The following TAFA2 variants were observed in gnomAD, a reference collection of about 807,000 sequenced individuals.
TAFA2 encodes TAFA chemokine like family member 2.
In TAFA2, 7 loss-of-function variants were observed where a neutral mutation model predicts 18.8. The observed-to-expected ratio is 0.37, with a 90% confidence interval of 0.21 to 0.70. TAFA2 has a LOEUF of 0.70. Ranked by LOEUF, TAFA2 falls within the 30% of genes least tolerant of loss-of-function variation. TAFA2 has a pLI of 0.53. For synonymous variants in TAFA2, 60 were observed against 54.2 expected (o/e 1.11, Z -0.47); for missense variants, 122 against 158.1 (o/e 0.77, Z 1.23).
chr12:62,246,039 T>G (rs2062884277), intron 1 of TAFA2, among the ~76,000 whole-genome samples: 1 of 150,770 alleles, frequency 6.6e-6, no homozygotes, highest in Non-Finnish European at 1.5e-5. Flanking sequence ...CAGGCTGGAG[T>G]GCAGTGGCGC....
At chr12:61,788,169 T>C (rs1229376889) in intron 2 of TAFA2, among the ~76,000 whole-genome samples, 2 of 151,632 alleles carry the variant, frequency 1.3e-5, no homozygotes, top group Non-Finnish European at 3.0e-5. Flanking sequence ...TATAAATATA[T>C]ATGCATCCAG....
rs148442384 is a variant in TAFA2, at chr12:62,131,654, C to T, written c.-2+59605G>A. Reference sequence around the variant, plus strand: ...AAAAAAATTAATTCAAGGAAACAGACAAAGTGTTCACTTGAGTGTAAATTT... The same window carrying T: ...AAAAAAATTAATTCAAGGAAACAGATAAAGTGTTCACTTGAGTGTAAATTT... On this transcript the variant is annotated intron_variant, in intron 1 of 4. Transcript: ENST00000416284. Among the ~76,000 whole-genome samples the T allele has an allele frequency of 3.3e-5, 5 of 152,008 alleles. No individual in the cohort carries two copies. In the East Asian group the frequency reaches 9.7e-4, roughly 29 times the overall value.
At chr12:61,801,744 C>G (rs966422724) in intron 2 of TAFA2, among the ~76,000 whole-genome samples, 5 of 151,764 alleles carry the variant, frequency 3.3e-5, no homozygotes, top group African/African-American at 1.2e-4. Context: ...GCAACATAAG[C>G]AAAAATAGAC....
At chr12:61,867,492 C>A in intron 1 of TAFA2, 66 bp from the exon 2 acceptor site, 1 of 973,140 alleles carries the variant, frequency 1.0e-6, no homozygotes, top group South Asian at 1.4e-5. Flanking sequence ...TATGATTGTG[C>A]TACATGTAAA....
At chr12:61,756,445 C>T (rs947888276) in intron 2 of TAFA2, among the ~76,000 whole-genome samples, 1 of 151,996 alleles carries the variant, frequency 6.6e-6, no homozygotes, top group African/African-American at 2.4e-5. Flanking sequence ...TTTTAATTTG[C>T]CAAATGGTTT....
At chr12:61,730,994 G>T (rs146276112) in intron 4 of TAFA2, among the ~76,000 whole-genome samples, 1 of 152,190 alleles carries the variant, frequency 6.6e-6, no homozygotes, top group Non-Finnish European at 1.5e-5. Flanking sequence ...AGTTCAACTG[G>T]AAGTCTCCTT....
chr12:61,887,239 C>A (rs921237536), intron 1 of TAFA2, among the ~76,000 whole-genome samples: 6 of 152,164 alleles, frequency 3.9e-5, no homozygotes, highest in Non-Finnish European at 7.4e-5. Context: ...TCCAATACAT[C>A]AGTAACTGGC....
chr12:61,858,689 TG>T (rs569219401), intron 2 of TAFA2, among the ~76,000 whole-genome samples: 2 of 151,428 alleles, frequency 1.3e-5, no homozygotes, highest in South Asian at 4.2e-4. Flanking sequence ...TACTGCTAAG[TG>T]AAAAAAAAAA....
chr12:61,990,549 C>G (rs1413573572), intron 1 of TAFA2, among the ~76,000 whole-genome samples: 1 of 151,860 alleles, frequency 6.6e-6, no homozygotes, highest in African/African-American at 2.4e-5. Context: ...CCATGTTAGC[C>G]AGGATGGTCT....
intron 4 of TAFA2, among the ~76,000 whole-genome samples, chr12:61,728,684 C>A (rs1348490900): frequency 1.3e-5 from 2 of 151,860 alleles, no homozygotes; most frequent in Non-Finnish European, 2.9e-5. Flanking sequence ...TCCATTCTGC[C>A]ATTCTGCATA....
intron 1 of TAFA2, among the ~76,000 whole-genome samples, chr12:62,209,181 C>T (rs2062703964): frequency 6.6e-6 from 1 of 152,166 alleles, no homozygotes; most frequent in South Asian, 2.1e-4. Context: ...ATTGCAATCC[C>T]CATAATCTCC....
At chr12:61,949,824 A>T (rs1439173929) in intron 1 of TAFA2, among the ~76,000 whole-genome samples, 1 of 152,196 alleles carries the variant, frequency 6.6e-6, no homozygotes, top group Non-Finnish European at 1.5e-5. Context: ...TGTACAATTC[A>T]GTTGTGTTAA....
At chr12:61,851,917 T>TAAAAGAC in intron 2 of TAFA2, among the ~76,000 whole-genome samples, 1 of 138,170 alleles carries the variant, frequency 7.2e-6, no homozygotes, top group African/African-American at 2.7e-5. Flanking sequence ...ACATTTTGGA[T>TAAAAGAC]AAAAGACAAG....
intron 2 of TAFA2, among the ~76,000 whole-genome samples, chr12:61,787,332 A>G (rs1231418189): frequency 6.6e-6 from 1 of 151,608 alleles, no homozygotes; most frequent in Non-Finnish European, 1.5e-5. Context: ...ACTCAAAGCC[A>G]AGAACAATAA....
chr12:62,027,074 A>C (rs1881329990), intron 1 of TAFA2, among the ~76,000 whole-genome samples: 2 of 152,160 alleles, frequency 1.3e-5, no homozygotes, highest in South Asian at 4.1e-4. Context: ...AATTATTCCT[A>C]ATTTTTAAAT....
At chr12:61,829,626 TAATA>T (rs1174914691) in intron 2 of TAFA2, among the ~76,000 whole-genome samples, 1 of 151,674 alleles carries the variant, frequency 6.6e-6, no homozygotes, top group African/African-American at 2.4e-5. Flanking sequence ...CATATGAATT[TAATA>T]AATATCAAGA....
At chr12:61,735,899 C>G (rs141873192) in intron 4 of TAFA2, among the ~76,000 whole-genome samples, 1 of 151,912 alleles carries the variant, frequency 6.6e-6, no homozygotes, top group African/African-American at 2.4e-5. Context: ...CATAATCTTT[C>G]CAGAGAAGAA....
intron 1 of TAFA2, among the ~76,000 whole-genome samples, chr12:62,018,066 T>C (rs985201392): frequency 1.4e-4 from 22 of 152,118 alleles, no homozygotes; most frequent in African/African-American, 5.1e-4. Context: ...ATGCAGGGAA[T>C]TTCCCCATGG....
In TAFA2 at chr12:62,214,378, A is replaced by G. The variant is rs139038340; in HGVS notation, c.-130+44385T>C. 6.1e-3 allele frequency among the ~76,000 whole-genome samples: 934 copies of G among 152,226 alleles called. 6 individuals carry two copies. Among genetic ancestry groups the G allele is most frequent in the African/African-American group, 0.021 (863 of 41,538 alleles). On this transcript the variant is annotated intron_variant, in intron 1 of 5. Transcript: ENST00000551619. The stretch of plus-strand genomic sequence containing the variant: ...CAAGCTCGCTCTCTCTTTGCCTGCC[A>G]CCACCCATTTAAGATGTGACTTGCT...
Sources: gnomAD v4.1 joint callset for allele counts (sites outside exome capture counted in the v4.1 genomes callset) on GRCh38, gnomAD v4.1.1 for gene constraint, MANE v1.5 for transcripts, NCBI Gene and HGNC (gene_info 2026-07-23, HGNC 2026-07-21) for gene names.